MYO7A: variants seen among roughly 807,000 people sequenced by gnomAD.
MYO7A encodes unconventional myosin-VIIa.
MYO7A carries 210 observed loss-of-function variants against 263.8 expected under a neutral mutation model. That is an observed-to-expected ratio of 0.80 (90% CI 0.71 to 0.89). MYO7A has a LOEUF of 0.89. MYO7A is among the 40% of genes least tolerant of loss of function. The pLI, the probability that MYO7A is intolerant of heterozygous loss-of-function variation, is 0.00. For missense variants in MYO7A, 2,820 were observed against 2,968.3 expected, an observed-to-expected ratio of 0.95 and a Z score of 1.16; for synonymous variants, 1,239 against 1,197.3, an observed-to-expected ratio of 1.03 and a Z score of -0.72.
intron 48 of MYO7A, 60 bp from the exon 49 acceptor site, chr11:77,214,547 G>C: frequency 7.9e-7 from 1 of 1,263,146 alleles, no homozygotes; most frequent in Non-Finnish European, 1.1e-6. Flanking sequence ...CTGTGCTATG[G>C]TCTGAGTGGC....
chr11:77,157,260 A>G lies in MYO7A; in HGVS notation c.736-19A>G, dbSNP rs782069395. The stretch of plus-strand genomic sequence containing the variant: ...TGGCCCTCCTCCCCTGGCCCCCAGC[A>G]CTGTGCCCACATTTTCAGGCCCTGG... On this transcript the variant is annotated intron_variant, in intron 7 of 48. Coordinates refer to ENST00000409709, the MANE Select transcript of MYO7A (RefSeq NM_000260.4). 2 of 1,583,604 alleles carry G rather than the reference A, an allele frequency of 1.3e-6. No individual in the cohort carries two copies. The highest frequency in any genetic ancestry group is 1.7e-6 in the Non-Finnish European group (2 of 1,161,492).
chr11:77,177,008 A>G (rs1275182940), intron 18 of MYO7A, among the ~76,000 whole-genome samples: 1 of 152,216 alleles, frequency 6.6e-6, no homozygotes, highest in East Asian at 1.9e-4. Flanking sequence ...CTTGAATGCC[A>G]GGGTGAGGAA....
chr11:77,193,993 C>G lies in MYO7A; in HGVS notation c.4153-361C>G, dbSNP rs151125690. The G allele has an allele frequency of 2.6e-3, 1,271 of 493,014 alleles. 18 individuals carry two copies. Among genetic ancestry groups the G allele is most frequent in the East Asian group, 0.024 (405 of 16,930 alleles). 30.5% of individuals were successfully genotyped at this position (493,014 alleles called of 1,614,324 possible). ...TCCCATTCTCCAGGGCAGACACTTC[C>G]TCTTCTGCTGTTTGTCAGCTCTGGT... On this transcript the variant is annotated intron_variant, in intron 31 of 48. Transcript: ENST00000409709.
chr11:77,157,240 C>T (rs781801468), intron 7 of MYO7A, 39 bp from the exon 8 acceptor site: 63 of 1,527,018 alleles, frequency 4.1e-5, no homozygotes, highest in East Asian at 7.0e-5. Flanking sequence ...TCCTCTGGCC[C>T]TCCTCCCCTG....
rs781202010 is a variant in MYO7A at position 77,192,130 on chromosome 11, C to A, written c.4004C>A (p.Ala1335Asp). 3.0e-5 allele frequency: 49 copies of A among 1,613,950 alleles called. No individual in the cohort carries two copies. The highest frequency in any genetic ancestry group is 4.1e-5 in the Non-Finnish European group (48 of 1,179,894). ...QCEQYAKEQG[A>D]QERNAPWRLF... is the part of the protein sequence containing the mutation. ...GAGCAGTACGCCAAGGAGCAGGGCG[C>A]CCAGGAGCGCAACGCCCCCTGGAGG... Residue 1335 changes from alanine (A) to aspartate (D), a missense_variant, in exon 31 of 49, where the codon GCC becomes GAC. By Grantham distance (126) the Ala-to-Asp change is moderately radical (BLOSUM62 -2). Transcript: ENST00000409709.
rs886048678 is a variant in MYO7A, at chr11:77,199,596, G to A, written c.4630G>A (p.Gly1544Ser). ...SDLGCAAPHS[G>S]WAGLTPAGPC... ...TCTTGGCTGTGCTGCGCCTCACTCA[G>A]GCTGGGCAGGACTGACCCCGGCGGG... Residue 1544 changes from glycine (G) to serine (S), a missense_variant, in exon 35 of 49, where the codon GGC becomes AGC. Coordinates refer to ENST00000409709, the MANE Select transcript of MYO7A (RefSeq NM_000260.4). 6.3e-7 allele frequency: 1 copy of A among 1,588,408 alleles called. No homozygotes were observed.
chr11:77,132,433 T>A (rs550865295), intron 2 of MYO7A, among the ~76,000 whole-genome samples: 3 of 152,240 alleles, frequency 2.0e-5, no homozygotes, highest in African/African-American at 7.2e-5. Flanking sequence ...AATGGCATTT[T>A]AGCTTCACAA....
chr11:77,161,203 G>A (rs374387188), intron 12 of MYO7A, 88 bp downstream of exon 12: 7 of 1,522,378 alleles, frequency 4.6e-6, no homozygotes, highest in African/African-American at 2.7e-5. Context: ...AGCACATTTA[G>A]TTGGCTCCTG....
At chr11:77,170,010 G>A (rs1555075018) in intron 15 of MYO7A, among the ~76,000 whole-genome samples, 1 of 152,204 alleles carries the variant, frequency 6.6e-6, no homozygotes, top group Non-Finnish European at 1.5e-5. Flanking sequence ...GGTCGAGGCT[G>A]CAATGAGCCA....
At position 77,159,231 on chromosome 11, in the gene MYO7A, C is replaced by T. The variant is rs116743254; in HGVS notation, c.1004-216C>T. ...GGCATGGTGCCATGTGCAGGGCATACGTGGTCCCTACCCTCATGCTGCCTG... is the reference window on the plus strand; with the variant it reads ...GGCATGGTGCCATGTGCAGGGCATATGTGGTCCCTACCCTCATGCTGCCTG... On this transcript the variant is annotated intron_variant, in intron 9 of 48. Coordinates refer to ENST00000409709, the MANE Select transcript of MYO7A (RefSeq NM_000260.4). 1.5e-3 allele frequency among the ~76,000 whole-genome samples: 230 copies of T among 152,338 alleles called. 1 individual carries two copies. Among genetic ancestry groups the T allele is most frequent in the African/African-American group, 5.2e-3 (216 of 41,572 alleles).
intron 28 of MYO7A, 118 bp from the exon 29 acceptor site, chr11:77,189,902 C>G: frequency 7.0e-7 from 1 of 1,423,284 alleles, no homozygotes; most frequent in Non-Finnish European, 9.2e-7. Flanking sequence ...GTAGGGAAGC[C>G]ACAGAAAGCA....
intron 19 of MYO7A, among the ~76,000 whole-genome samples, chr11:77,177,897 G>A (rs961653710): frequency 7.2e-5 from 11 of 152,078 alleles, no homozygotes; most frequent in Non-Finnish European, 1.5e-4. Context: ...ACATGCACAC[G>A]TAGATACATG....
intron 3 of MYO7A, among the ~76,000 whole-genome samples, chr11:77,145,801 C>G (rs1361628967): frequency 6.6e-6 from 1 of 152,120 alleles, no homozygotes; most frequent in Non-Finnish European, 1.5e-5. Context: ...GGGGCTCTGT[C>G]CAGCGCAGCC....
At chr11:77,197,292 C>T (rs996913786) in intron 32 of MYO7A, among the ~76,000 whole-genome samples, 189 bp from the exon 33 acceptor site, 11 of 152,194 alleles carry the variant, frequency 7.2e-5, no homozygotes, top group Non-Finnish European at 1.3e-4. Flanking sequence ...CAAAAGTGCT[C>T]GCCGATGTTG....
rs948960 is a variant in MYO7A at position 77,208,584 on chromosome 11, C to T, written c.5944+67C>T. On this transcript the variant is annotated intron_variant, in intron 43 of 48. Transcript: ENST00000409709. ...GGGAAGTGTGGGCTCGGGGCTGTGC[C>T]GTGAGGCCCACCTAGGCGGGCCTGA... 861,901 of 1,544,292 alleles carry T rather than the reference C, an allele frequency of 0.56. 243,175 individuals are homozygous for T. Among genetic ancestry groups the T allele is most frequent in the Admixed American group, 0.65 (35,324 of 54,076 alleles).
chr11:77,146,979 T>C (rs1420007760), intron 3 of MYO7A, among the ~76,000 whole-genome samples: 1 of 152,064 alleles, frequency 6.6e-6, no homozygotes, highest in African/African-American at 2.4e-5. Context: ...CTGGGGAATA[T>C]TGCGGAGTAA....
chr11:77,142,684 G>A (rs1555051327), intron 2 of MYO7A, 25 bp from the exon 3 acceptor site: 1 of 1,584,044 alleles, frequency 6.3e-7, no homozygotes, highest in Non-Finnish European at 8.6e-7. Flanking sequence ...TGCTCACCTG[G>A]GCTGAGACTC....
chr11:77,164,476 G>A (rs140822315), intron 14 of MYO7A, among the ~76,000 whole-genome samples: 33 of 152,190 alleles, frequency 2.2e-4, no homozygotes, highest in African/African-American at 6.5e-4. Flanking sequence ...TTCTTACTCC[G>A]TTGCTGAACT....
rs12292189 is a variant in MYO7A, at chr11:77,201,361, A to C, written c.4853-87A>C. 13,372 of 1,339,904 alleles carry C rather than the reference A, an allele frequency of 1.0e-2. 1,026 individuals carry two copies. In the African/African-American group the frequency reaches 0.16, roughly 16 times the overall value. The allele number at this position is 1,339,904 out of a possible 1,614,324, so 83.0% of individuals were successfully genotyped here. On this transcript the variant is annotated intron_variant, in intron 35 of 48. Transcript: ENST00000409709. ...GCAGAGTGGCAAGTGGGCAGACATGAGTGATAACACCTCAGTTCTTCTGTG... is the reference window on the plus strand; with the variant it reads ...GCAGAGTGGCAAGTGGGCAGACATGCGTGATAACACCTCAGTTCTTCTGTG...
Sources: allele counts gnomAD v4.1 joint callset (sites outside exome capture counted in the v4.1 genomes callset), GRCh38; gene constraint gnomAD v4.1.1; transcripts MANE v1.5; gene names NCBI Gene and HGNC (gene_info 2026-07-23, HGNC 2026-07-21).